The following GALK2 variants were observed in gnomAD, a reference collection of about 807,000 sequenced individuals.
GALK2 encodes galactokinase 2, also known as N-acetylgalactosamine kinase.
Under a neutral mutation model 52.4 loss-of-function variants are expected in GALK2, and 36 were observed. The ratio of observed to expected loss-of-function variants is 0.69; its 90% CI spans 0.53 to 0.91. The LOEUF is 0.91. GALK2 is among the 40% of genes least tolerant of loss of function. GALK2 has a pLI of 0.00. For missense variants in GALK2, 579 were observed against 559.1 expected (o/e 1.04, Z -0.36); for synonymous variants, 176 against 199.1 (o/e 0.88, Z 0.98).
chr15:49,299,709 GCTTT>G (rs34902544), intron 8 of GALK2, among the ~76,000 whole-genome samples: 9 of 85,242 alleles, frequency 1.1e-4, no homozygotes, highest in South Asian at 4.7e-4. Context: ...TCTTGGTATT[GCTTT>G]CTTTCTTTCT....
intron 5 of GALK2, among the ~76,000 whole-genome samples, chr15:49,261,938 A>G (rs1307873701): frequency 6.6e-6 from 1 of 152,132 alleles, no homozygotes; most frequent in Non-Finnish European, 1.5e-5. Flanking sequence ...ATGGTGGGTA[A>G]GCTTTTTGAT....
chr15:49,245,182 C>T (rs2091286322), intron 5 of GALK2, among the ~76,000 whole-genome samples: 1 of 151,998 alleles, frequency 6.6e-6, no homozygotes, highest in South Asian at 2.1e-4. Flanking sequence ...CTAAAATCCT[C>T]ACTTATCATA....
At chr15:49,314,472 T>C (rs1178790455) in intron 8 of GALK2, among the ~76,000 whole-genome samples, 1 of 152,208 alleles carries the variant, frequency 6.6e-6, no homozygotes, top group East Asian at 1.9e-4. Flanking sequence ...TATAAATTGT[T>C]AAAATAGTAT....
chr15:49,283,652 G>A lies in GALK2; in HGVS notation c.690G>A (p.Val230=). The part of the protein sequence containing the change: ...GAVFVIANSC[V]EMNKAATSHF... ...TGTTTGTGATTGCCAACAGTTGTGT[G>A]GAGATGAATAAGGCAGCAACTTCCC... The change falls in exon 7 of 10, where the codon GTG becomes GTA. Residue 230 remains valine, a synonymous_variant. Transcript: ENST00000560031. The A allele has an allele frequency of 6.2e-7, 1 of 1,614,064 alleles. No individual in the cohort carries two copies. Among genetic ancestry groups the A allele is most frequent in the East Asian group, 2.2e-5 (1 of 44,890 alleles).
intron 5 of GALK2, among the ~76,000 whole-genome samples, chr15:49,261,003 T>C (rs1226571819): frequency 6.6e-6 from 1 of 152,008 alleles, no homozygotes; most frequent in African/African-American, 2.4e-5. Context: ...GGTAGTGTGA[T>C]GCCTCCAGCT....
At chr15:49,255,810 T>G (rs2091792663) in intron 5 of GALK2, among the ~76,000 whole-genome samples, 1 of 152,130 alleles carries the variant, frequency 6.6e-6, no homozygotes. Context: ...CATGTTTTAA[T>G]TAATAATGCA....
At chr15:49,156,329 G>T in intron 1 of GALK2, 1 of 418,404 alleles carries the variant, frequency 2.4e-6, no homozygotes, top group South Asian at 2.2e-5. Flanking sequence ...GTAAGGAGAT[G>T]GGGGCTGCGG....
downstream of GALK2, among the ~76,000 whole-genome samples, chr15:49,335,878 G>T (rs1353775609): frequency 6.6e-6 from 1 of 151,980 alleles, no homozygotes; most frequent in African/African-American, 2.4e-5. Context: ...TTCGAGACAG[G>T]GTCTTGCTTT....
rs1458484455 is a variant in GALK2 at position 49,319,589 on chromosome 15, C to T, written c.968-15C>T. 5.6e-6 allele frequency: 9 copies of T among 1,612,928 alleles called. No individual in the cohort carries two copies. Among genetic ancestry groups the T allele is most frequent in the South Asian group, 1.1e-5 (1 of 90,986 alleles). ...ACTATTCCTAACCTCCTTCCCCATC[C>T]TCTTCCTTCCTCAGTGCTCATCTTC... is the stretch of plus-strand genomic sequence containing the variant. On this transcript the variant is annotated splice_polypyrimidine_tract_variant and intron_variant, in intron 8 of 9. Coordinates refer to ENST00000560031, the MANE Select transcript of GALK2 (RefSeq NM_002044.4).
At chr15:49,185,723 A>G (rs2086292065) in intron 1 of GALK2, 1 of 151,990 alleles carries the variant, frequency 6.6e-6, no homozygotes, top group Non-Finnish European at 1.5e-5. Flanking sequence ...TCTTCAGATG[A>G]TTTCTTATTG....
intron 8 of GALK2, among the ~76,000 whole-genome samples, chr15:49,299,770 T>TCTTTC (rs2034913912): frequency 2.1e-5 from 3 of 143,436 alleles, no homozygotes; most frequent in African/African-American, 2.7e-5. Context: ...TTTCTTTCTT[T>TCTTTC]CTTTCTTTCT....
At chr15:49,229,054 T>C (rs1372093074) in intron 3 of GALK2, among the ~76,000 whole-genome samples, 1 of 152,178 alleles carries the variant, frequency 6.6e-6, no homozygotes, top group East Asian at 1.9e-4. Flanking sequence ...AATAAATTTC[T>C]TTGTCATTGG....
intron 5 of GALK2, among the ~76,000 whole-genome samples, chr15:49,266,098 T>C (rs2092350823): frequency 6.6e-6 from 1 of 152,186 alleles, no homozygotes; most frequent in Admixed American, 6.5e-5. Context: ...GCACTTCTGC[T>C]TCTGGATTGG....
downstream of GALK2, among the ~76,000 whole-genome samples, chr15:49,332,356 GAA>G (rs985912720): frequency 2.2e-4 from 33 of 152,356 alleles, no homozygotes; most frequent in African/African-American, 7.5e-4. Context: ...ACACAGGAAA[GAA>G]AGAGAGGGAG....
chr15:49,311,257 A>G (rs1385133430), intron 8 of GALK2, among the ~76,000 whole-genome samples: 3 of 152,210 alleles, frequency 2.0e-5, no homozygotes, highest in Admixed American at 6.5e-5. Flanking sequence ...GTTCATTCAC[A>G]TGGGGGAGAG....
chr15:49,156,051 A>T (rs752775206), intron 1 of GALK2: 2 of 1,610,278 alleles, frequency 1.2e-6, no homozygotes, highest in East Asian at 4.5e-5. Context: ...GTGTGCATTT[A>T]GCCCACACAT....
chr15:49,216,543 C>T (rs1207127421), intron 2 of GALK2, among the ~76,000 whole-genome samples: 1 of 152,222 alleles, frequency 6.6e-6, no homozygotes, highest in African/African-American at 2.4e-5. Flanking sequence ...CATCACAAGT[C>T]TACTGCCTCC....
chr15:49,329,310 TA>T lies in GALK2; in HGVS notation c.*1152del, dbSNP rs2038144413. The T allele has an allele frequency of 1.0e-6, 1 of 985,320 alleles. No individual in the cohort carries two copies. Among genetic ancestry groups the T allele is most frequent in the South Asian group, 4.7e-5 (1 of 21,290 alleles). 61.0% of individuals were successfully genotyped at this position (985,320 alleles called of 1,614,324 possible). On this transcript the variant is annotated 3_prime_UTR_variant, in exon 10 of 10. Coordinates refer to ENST00000560031, the MANE Select transcript of GALK2 (RefSeq NM_002044.4). Reference sequence around the variant, plus strand: ...CTGGCTTTCTCTTGTGGATGGACTATAGGAAGCACTTTCTGAATTATGTAAT... The same window carrying T: ...CTGGCTTTCTCTTGTGGATGGACTATGGAAGCACTTTCTGAATTATGTAAT...
At chr15:49,225,136 G>A (rs2090053044) in intron 3 of GALK2, 5 of 449,262 alleles carry the variant, frequency 1.1e-5, no homozygotes, top group South Asian at 7.9e-5. Context: ...CTCTCAGCAG[G>A]TCTGTTCCTG....
Sources: allele counts gnomAD v4.1 joint callset (sites outside exome capture counted in the v4.1 genomes callset), GRCh38; gene constraint gnomAD v4.1.1; transcripts MANE v1.5; gene names NCBI Gene and HGNC (gene_info 2026-07-23, HGNC 2026-07-21).